CACNB2: variants seen among roughly 807,000 people sequenced by gnomAD.
The protein encoded by CACNB2 is calcium voltage-gated channel auxiliary subunit beta 2, also known as voltage-dependent L-type calcium channel subunit beta-2.
A neutral mutation model predicts 73.3 loss-of-function variants in CACNB2; 42 were observed. The ratio of observed to expected loss-of-function variants is 0.57; its 90% CI spans 0.45 to 0.74. The LOEUF (loss-of-function observed/expected upper bound fraction) is 0.74, where lower values mean the gene tolerates loss of function less well. CACNB2 is among the 30% of genes least tolerant of loss of function. The probability of loss-of-function intolerance (pLI) is 0.00; values close to 1 mark genes in which losing one functional copy is unlikely to be tolerated. For synonymous variants in CACNB2, 348 were observed against 310.3 expected (o/e 1.12, Z -1.28); for missense variants, 940 against 853.0 (o/e 1.10, Z -1.27).
chr10:18,495,881 GTAAA>G (rs947154636), intron 3 of CACNB2, among the ~76,000 whole-genome samples: 11 of 151,462 alleles, frequency 7.3e-5, no homozygotes, highest in Non-Finnish European at 1.2e-4. Flanking sequence ...AGTTGTACAG[GTAAA>G]TAAATGTACA....
At chr10:18,180,769 A>G (rs910737860) in intron 2 of CACNB2, among the ~76,000 whole-genome samples, 1 of 152,052 alleles carries the variant, frequency 6.6e-6, no homozygotes, top group African/African-American at 2.4e-5. Context: ...GATCGAGACC[A>G]TCCTGGCTAA....
intron 2 of CACNB2, among the ~76,000 whole-genome samples, chr10:18,391,171 A>T (rs972626964): frequency 5.3e-5 from 8 of 152,222 alleles, no homozygotes; most frequent in Non-Finnish European, 8.8e-5. Flanking sequence ...GCACCAAGTT[A>T]ATTAAGTTGG....
intron 2 of CACNB2, among the ~76,000 whole-genome samples, chr10:18,327,676 G>A (rs971330360): frequency 2.6e-5 from 4 of 152,048 alleles, no homozygotes; most frequent in African/African-American, 9.7e-5. Flanking sequence ...TGCCCACCTC[G>A]GCCTCCCAAA....
chr10:18,409,681 C>A (rs2044505548), intron 3 of CACNB2, among the ~76,000 whole-genome samples: 1 of 152,182 alleles, frequency 6.6e-6, no homozygotes, highest in South Asian at 2.1e-4. Flanking sequence ...GACAGGTCAT[C>A]TTGTATAGGG....
intron 2 of CACNB2, among the ~76,000 whole-genome samples, chr10:18,175,082 A>G (rs560090041): frequency 1.3e-5 from 2 of 152,216 alleles, no homozygotes; most frequent in South Asian, 4.1e-4. Flanking sequence ...ACGAGAATTG[A>G]CCTCTCTATG....
At chr10:18,162,612 G>A (rs2032548690) in intron 2 of CACNB2, among the ~76,000 whole-genome samples, 1 of 152,172 alleles carries the variant, frequency 6.6e-6, no homozygotes, top group African/African-American at 2.4e-5. Flanking sequence ...ATCTGAACAC[G>A]TGCATTTTGA....
At chr10:18,192,272 A>ATTCATTCATTCG (rs558709489) in intron 2 of CACNB2, among the ~76,000 whole-genome samples, 273 of 152,040 alleles carry the variant, frequency 1.8e-3, no homozygotes, top group Non-Finnish European at 3.1e-3. Flanking sequence ...ACTTACGTTC[A>ATTCATTCATTCG]TTCATTCATT....
At chr10:18,244,981 T>C (rs1333303528) in intron 2 of CACNB2, among the ~76,000 whole-genome samples, 1 of 151,944 alleles carries the variant, frequency 6.6e-6, no homozygotes, top group Non-Finnish European at 1.5e-5. Context: ...GTCTTTGAAG[T>C]TGTGGAGGGG....
At chr10:18,407,664 G>A (rs1349208764) in intron 3 of CACNB2, among the ~76,000 whole-genome samples, 1 of 151,920 alleles carries the variant, frequency 6.6e-6, no homozygotes, top group East Asian at 1.9e-4. Context: ...TCTCTGGTTT[G>A]TGCGATATTT....
Position 18,140,861 on chromosome 10 carries a change from C to T in CACNB2, c.120+5C>T, listed in dbSNP as rs1331564942. 6.3e-7 allele frequency: 1 copy of T among 1,595,160 alleles called. No individual in the cohort carries two copies. Among genetic ancestry groups the T allele is most frequent in the South Asian group, 1.1e-5 (1 of 88,140 alleles). ...GCGCTCGGAGCCGCCGCACAGGTAG[C>T]GAGAGCGCGGCGCCTTCTCCTTCCT... On this transcript the variant is annotated splice_donor_5th_base_variant and intron_variant, in intron 1 of 13. Transcript: ENST00000324631.
At chr10:18,510,782 C>G (rs2050727319) in intron 6 of CACNB2, among the ~76,000 whole-genome samples, 1 of 152,144 alleles carries the variant, frequency 6.6e-6, no homozygotes, top group African/African-American at 2.4e-5. Flanking sequence ...TGAATGTGGT[C>G]TTTATGAGCC....
chr10:18,152,193 C>T (rs373473911), intron 2 of CACNB2, among the ~76,000 whole-genome samples: 9 of 152,150 alleles, frequency 5.9e-5, no homozygotes, highest in African/African-American at 1.9e-4. Context: ...TGTCCTTAGA[C>T]GAAGGATGAT....
rs1015760119 is a variant in CACNB2, at chr10:18,542,697, A to C, written c.*2973A>C. The stretch of plus-strand genomic sequence containing the variant: ...ATATGTGAAAAACTGTATAGTGGAC[A>C]TATGTGTAAACTGTGTAGTAAATCT... On this transcript the variant is annotated 3_prime_UTR_variant, in exon 14 of 14. Transcript: ENST00000324631. The C allele has an allele frequency of 6.6e-6, 1 of 152,208 alleles. No homozygotes were observed. Among genetic ancestry groups the C allele is most frequent in the Admixed American group, 6.5e-5 (1 of 15,276 alleles). 9.4% of individuals were successfully genotyped at this position (152,208 alleles called of 1,614,324 possible).
chr10:18,321,135 G>A (rs2040383435), intron 2 of CACNB2, among the ~76,000 whole-genome samples: 2 of 152,190 alleles, frequency 1.3e-5, no homozygotes, highest in Admixed American at 1.3e-4. Context: ...CCTTCTAGGT[G>A]AAGCTGAGGA....
At chr10:18,207,874 A>G (rs1188434062) in intron 2 of CACNB2, among the ~76,000 whole-genome samples, 2 of 152,236 alleles carry the variant, frequency 1.3e-5, no homozygotes, top group African/African-American at 4.8e-5. Flanking sequence ...AAGTAAAAAG[A>G]ATCATCGTTA....
intron 3 of CACNB2, among the ~76,000 whole-genome samples, chr10:18,487,838 CA>C (rs35224466): frequency 0.66 from 89,153 of 135,934 alleles, 27,899 homozygotes; most frequent in East Asian, 0.79. Context: ...GACTCCATCT[CA>C]AAAAAAAAAA....
chr10:18,269,072 G>T (rs2037936838), intron 2 of CACNB2, among the ~76,000 whole-genome samples: 1 of 152,146 alleles, frequency 6.6e-6, no homozygotes, highest in African/African-American at 2.4e-5. Context: ...TGCATGATAA[G>T]AACCTGTTTC....
chr10:18,198,359 G>A (rs996358431), intron 2 of CACNB2, among the ~76,000 whole-genome samples: 6 of 151,924 alleles, frequency 3.9e-5, no homozygotes, highest in Non-Finnish European at 8.8e-5. Context: ...CATACCGGGG[G>A]CACCTGGGGG....
chr10:18,221,526 A>T (rs1189161986), intron 2 of CACNB2, among the ~76,000 whole-genome samples: 1 of 152,056 alleles, frequency 6.6e-6, no homozygotes, highest in African/African-American at 2.4e-5. Flanking sequence ...TAAGAATACA[A>T]AAGTTAGCTG....
Sources: allele counts gnomAD v4.1 joint callset (sites outside exome capture counted in the v4.1 genomes callset), GRCh38; gene constraint gnomAD v4.1.1; transcripts MANE v1.5; gene names NCBI Gene and HGNC (gene_info 2026-07-23, HGNC 2026-07-21).